Variants in NAA11 observed in about 807,000 individuals in gnomAD.
NAA11 encodes the protein N-alpha-acetyltransferase 11.
In NAA11, 15 loss-of-function variants were observed where a neutral mutation model predicts 16.1. That is an observed-to-expected ratio of 0.93 (90% confidence interval 0.62 to 1.44). The LOEUF (loss-of-function observed/expected upper bound fraction) is 1.44, where lower values mean the gene tolerates loss of function less well. Ranked by LOEUF, NAA11 falls within the 40% of genes most tolerant of loss-of-function variation. The pLI, the probability that NAA11 is intolerant of heterozygous loss-of-function variation, is 0.00. For missense variants in NAA11, 298 were observed against 291.3 expected (o/e 1.02, Z -0.17); for synonymous variants, 122 against 112.4 (o/e 1.09, Z -0.54).
At chr4:79,285,316 GT>G (rs1722882844) in intron 2 of NAA11, among the ~76,000 whole-genome samples, 1 of 152,036 alleles carries the variant, frequency 6.6e-6, no homozygotes, top group Admixed American at 6.6e-5. Context: ...ACTATGCAGT[GT>G]TTTTATCAGA....
chr4:79,230,739 A>G (rs748405603), intron 2 of NAA11, among the ~76,000 whole-genome samples: 23 of 151,958 alleles, frequency 1.5e-4, no homozygotes, highest in Non-Finnish European at 2.1e-4. Flanking sequence ...GTTGTTTAAT[A>G]TCAATTCTTC....
chr4:79,198,848 A>G, the NAA11 span, among the ~76,000 whole-genome samples: 1 of 151,834 alleles, frequency 6.6e-6, no homozygotes, highest in Non-Finnish European at 1.5e-5. Context: ...CTTGTGTAAT[A>G]TATTCTTGTT....
At chr4:79,175,489 C>T in the NAA11 span, among the ~76,000 whole-genome samples, 8 of 152,018 alleles carry the variant, frequency 5.3e-5, no homozygotes, top group East Asian at 1.4e-3. Context: ...TTTCAACAAG[C>T]AATGTACCTG....
the NAA11 span, among the ~76,000 whole-genome samples, chr4:79,210,127 G>T: frequency 1.3e-5 from 2 of 152,142 alleles, no homozygotes; most frequent in Non-Finnish European, 2.9e-5. Context: ...GAGCAACAAG[G>T]CTGTTGATTC....
intron 1 of NAA11, among the ~76,000 whole-genome samples, chr4:79,304,576 A>G (rs1723509232): frequency 6.6e-6 from 1 of 152,240 alleles, no homozygotes; most frequent in South Asian, 2.1e-4. Context: ...TTCATTGAAC[A>G]GCCAATGAGA....
At chr4:79,244,055 C>T (rs1004788307) in intron 2 of NAA11, among the ~76,000 whole-genome samples, 1 of 152,180 alleles carries the variant, frequency 6.6e-6, no homozygotes, top group Admixed American at 6.5e-5. Flanking sequence ...TCATACTATG[C>T]CATTTTTGTA....
At chr4:79,251,070 G>A (rs996021426) in intron 2 of NAA11, among the ~76,000 whole-genome samples, 1 of 152,164 alleles carries the variant, frequency 6.6e-6, no homozygotes, top group African/African-American at 2.4e-5. Context: ...AGTTTGGCGA[G>A]TTCTCAAAGA....
intron 1 of NAA11, among the ~76,000 whole-genome samples, chr4:79,296,001 T>C (rs11930784): frequency 0.057 from 8,699 of 152,286 alleles, 273 homozygotes; most frequent in East Asian, 0.08. Context: ...TATTAATAAA[T>C]GGATTCTTAC....
the NAA11 span, among the ~76,000 whole-genome samples, chr4:79,198,893 T>A: frequency 1.3e-5 from 2 of 151,932 alleles, no homozygotes; most frequent in Non-Finnish European, 2.9e-5. Context: ...ACCCAAATTC[T>A]ATGCAACCTG....
downstream of NAA11, among the ~76,000 whole-genome samples, chr4:79,225,497 G>T (rs1721289223): frequency 6.6e-6 from 1 of 152,048 alleles, no homozygotes; most frequent in South Asian, 2.1e-4. Flanking sequence ...AGAGATGATG[G>T]TAACTTGAAC....
chr4:79,288,025 CA>C (rs1259020364), intron 2 of NAA11, among the ~76,000 whole-genome samples: 3 of 152,118 alleles, frequency 2.0e-5, no homozygotes, highest in African/African-American at 7.2e-5. Flanking sequence ...ATTTTAAACA[CA>C]AGAAAGCCAG....
the NAA11 span, among the ~76,000 whole-genome samples, chr4:79,191,738 T>G: frequency 6.6e-6 from 1 of 152,162 alleles, no homozygotes; most frequent in Non-Finnish European, 1.5e-5. Context: ...TTGCAGTCTT[T>G]GTTATGAAAT....
At chr4:79,203,832 G>T in the NAA11 span, among the ~76,000 whole-genome samples, 2 of 151,656 alleles carry the variant, frequency 1.3e-5, no homozygotes, top group African/African-American at 4.8e-5. Flanking sequence ...ATGACAAAAA[G>T]ATGAATCTTT....
chr4:79,243,970 G>T (rs947081749), intron 2 of NAA11, among the ~76,000 whole-genome samples: 1 of 152,194 alleles, frequency 6.6e-6, no homozygotes, highest in Non-Finnish European at 1.5e-5. Context: ...TTGAGCATGC[G>T]CAGTGTGTTT....
chr4:79,167,264 T>TAG, the NAA11 span, among the ~76,000 whole-genome samples: 27 of 120,252 alleles, frequency 2.2e-4, 1 homozygote, highest in Admixed American at 1.5e-3. Context: ...CATATATATA[T>TAG]ATATATAGAG....
chr4:79,175,142 A>G, the NAA11 span, among the ~76,000 whole-genome samples: 1 of 152,130 alleles, frequency 6.6e-6, no homozygotes, highest in East Asian at 1.9e-4. Context: ...CTTCAAAGAA[A>G]GGCAAGTCCT....
At chr4:79,279,892 G>C (rs760959323) in intron 2 of NAA11, among the ~76,000 whole-genome samples, 1 of 152,004 alleles carries the variant, frequency 6.6e-6, no homozygotes, top group Non-Finnish European at 1.5e-5. Flanking sequence ...AATGGGAGAG[G>C]ATGGGGGTGC....
intron 2 of NAA11, among the ~76,000 whole-genome samples, chr4:79,251,248 G>A (rs1156349118): frequency 6.6e-6 from 1 of 152,246 alleles, no homozygotes; most frequent in Non-Finnish European, 1.5e-5. Flanking sequence ...ATGGTAGATC[G>A]TATGAAGAAA....
At chr4:79,246,481 G>C (rs1449464666) in intron 2 of NAA11, among the ~76,000 whole-genome samples, 1 of 151,084 alleles carries the variant, frequency 6.6e-6, no homozygotes, top group Non-Finnish European at 1.5e-5. Flanking sequence ...ATGCAATTAA[G>C]TATTTAAGCT....
Sources: gnomAD v4.1 joint callset for allele counts (sites outside exome capture counted in the v4.1 genomes callset) on GRCh38, gnomAD v4.1.1 for gene constraint, MANE v1.5 for transcripts, NCBI Gene and HGNC (gene_info 2026-07-23, HGNC 2026-07-21) for gene names.